The following CRB1 variants were observed in gnomAD, a reference collection of about 807,000 sequenced individuals.
The protein encoded by CRB1 is crumbs cell polarity complex component 1.
CRB1 carries 83 observed loss-of-function variants against 120.0 expected under a neutral mutation model. That is an observed-to-expected ratio of 0.69 (90% confidence interval 0.58 to 0.83). The LOEUF is 0.83. CRB1 is among the 40% of genes least tolerant of loss of function. The pLI is 0.00. For missense variants in CRB1, 1,699 were observed against 1,687.6 expected, an observed-to-expected ratio of 1.01 and a Z score of -0.12; for synonymous variants, 625 against 612.5, an observed-to-expected ratio of 1.02 and a Z score of -0.30.
At chr1:197,206,273 T>C in the CRB1 span, among the ~76,000 whole-genome samples, 1 of 152,148 alleles carries the variant, frequency 6.6e-6, no homozygotes, top group African/African-American at 2.4e-5. Context: ...CTGATCTTTG[T>C]TACTTCTTTT....
the CRB1 span, among the ~76,000 whole-genome samples, chr1:197,205,426 A>C: frequency 6.6e-6 from 1 of 152,186 alleles, no homozygotes; most frequent in African/African-American, 2.4e-5. Flanking sequence ...TGTCCCTTCT[A>C]TGCCGATTTT....
rs751631626 is a variant in CRB1, at chr1:197,434,936, A to G, written c.3073A>G (p.Ser1025Gly). The G allele has an allele frequency of 1.9e-6, 3 of 1,613,958 alleles. No individual in the cohort carries two copies. In the South Asian group the frequency reaches 3.3e-5, roughly 18 times the overall value. Reference sequence around the variant, plus strand: ...CAGCTTTTATATGCTAAGTCTGACAAGTTTGCAGTCAGTGAATGATGGCAC... The same window carrying G: ...CAGCTTTTATATGCTAAGTCTGACAGGTTTGCAGTCAGTGAATGATGGCAC... ...GNSFYMLSLT[S>G]LQSVNDGTWH... The change falls in exon 9 of 12, where the codon AGT becomes GGT. Residue 1025 changes from serine (S) to glycine (G), a missense_variant. Transcript: ENST00000367400.
chr1:197,206,636 T>G, the CRB1 span, among the ~76,000 whole-genome samples: 2 of 152,144 alleles, frequency 1.3e-5, no homozygotes, highest in African/African-American at 4.8e-5. Context: ...TTTCTTAAAT[T>G]TATTGAGACT....
chr1:197,319,479 T>A (rs1658064301), intron 1 of CRB1, among the ~76,000 whole-genome samples: 1 of 150,256 alleles, frequency 6.7e-6, no homozygotes, highest in African/African-American at 2.4e-5. Flanking sequence ...AGAATATTTT[T>A]TAAATATTCT....
the CRB1 span, chr1:197,222,139 G>A: frequency 1.9e-5 from 7 of 360,496 alleles, no homozygotes; most frequent in East Asian, 2.6e-4. Context: ...TCCTAATGCC[G>A]TCACCCAGTC....
intron 11 of CRB1, among the ~76,000 whole-genome samples, chr1:197,453,904 T>TTAA (rs1491432428): frequency 1.9e-5 from 2 of 105,596 alleles, no homozygotes; most frequent in African/African-American, 4.3e-5. Context: ...TATTATATTA[T>TTAA]TAATATATAT....
In CRB1 at chr1:197,477,902, G is replaced by T. The variant is rs370880289; in HGVS notation, c.*23G>T. On this transcript the variant is annotated 3_prime_UTR_variant, in exon 12 of 12. Transcript: ENST00000367400. ...TAGGAGCATTGTGTCCCTTCGAGAT[G>T]GGGATCCACACACTGTGAATGTGAT... 10 of 1,606,498 alleles carry T rather than the reference G, an allele frequency of 6.2e-6. No individual in the cohort carries two copies. Among genetic ancestry groups the T allele is most frequent in the South Asian group, 1.1e-5 (1 of 90,844 alleles).
At position 197,465,595 on chromosome 1, in the gene CRB1, C is replaced by A. The variant is rs139203917; in HGVS notation, c.4006-12069C>A. ...TGAGTTCATAGATTTTAGAAATGTT[C>A]ACTTGGGATCTGACCAGCCTCTCAG... On this transcript the variant is annotated intron_variant, in intron 11 of 11. Coordinates refer to ENST00000367400, the MANE Select transcript of CRB1 (RefSeq NM_201253.3). Among the ~76,000 whole-genome samples the A allele has an allele frequency of 5.3e-5, 8 of 152,150 alleles. No individual in the cohort carries two copies. The East Asian group carries it at 1.6e-3, about 30-fold the overall frequency.
the CRB1 span, among the ~76,000 whole-genome samples, chr1:197,260,519 A>G: frequency 6.6e-6 from 1 of 152,012 alleles, no homozygotes; most frequent in Non-Finnish European, 1.5e-5. Flanking sequence ...TGATAAGAAA[A>G]AAAAGCATTC....
the CRB1 span, among the ~76,000 whole-genome samples, chr1:197,215,520 C>A: frequency 6.6e-6 from 1 of 152,216 alleles, no homozygotes; most frequent in Non-Finnish European, 1.5e-5. Flanking sequence ...CAGGTGATCA[C>A]CTACCTCAGC....
chr1:197,311,634 T>C (rs1160496642), intron 1 of CRB1, among the ~76,000 whole-genome samples: 1 of 152,086 alleles, frequency 6.6e-6, no homozygotes, highest in Non-Finnish European at 1.5e-5. Context: ...CTTAGATATA[T>C]GTATATATTG....
At chr1:197,363,237 T>C (rs891953471) in intron 5 of CRB1, among the ~76,000 whole-genome samples, 19 of 152,052 alleles carry the variant, frequency 1.2e-4, no homozygotes, top group African/African-American at 4.1e-4. Context: ...AGAAAACTCA[T>C]GAAAAGAAGG....
At chr1:197,394,780 C>T (rs556885642) in intron 5 of CRB1, among the ~76,000 whole-genome samples, 1 of 152,142 alleles carries the variant, frequency 6.6e-6, no homozygotes, top group African/African-American at 2.4e-5. Context: ...AGCTGCCAGT[C>T]CCTATTTCTC....
intron 11 of CRB1, among the ~76,000 whole-genome samples, chr1:197,449,588 G>C (rs1425475508): frequency 6.6e-6 from 1 of 152,034 alleles, no homozygotes; most frequent in East Asian, 1.9e-4. Context: ...GGATGGTCTC[G>C]ATCTCCTGAC....
intron 6 of CRB1, 74 bp from the exon 7 acceptor site, chr1:197,427,380 T>C: frequency 1.4e-6 from 2 of 1,380,000 alleles, no homozygotes; most frequent in African/African-American, 2.8e-5. Context: ...AATTTTCGTC[T>C]TCCATCCCTT....
At chr1:197,331,267 T>C (rs1364031673) in intron 2 of CRB1, among the ~76,000 whole-genome samples, 1 of 152,210 alleles carries the variant, frequency 6.6e-6, no homozygotes, top group African/African-American at 2.4e-5. Context: ...AATTCTTCCA[T>C]ATATTTCTGG....
At chr1:197,240,562 G>T in the CRB1 span, among the ~76,000 whole-genome samples, 9 of 152,234 alleles carry the variant, frequency 5.9e-5, no homozygotes, top group South Asian at 1.9e-3. Flanking sequence ...CACTTTTATG[G>T]CTGCATGGTA....
chr1:197,421,861 G>T lies in CRB1; in HGVS notation c.2033G>T (p.Ser678Ile). ...AGCVRKDWCE[S>I]QPCQSRGRCI... The stretch of plus-strand genomic sequence containing the variant: ...TGTGTGAGAAAGGATTGGTGTGAAA[G>T]CCAACCTTGTCAAAGCAGAGGACGC... The change falls in exon 6 of 12, where the codon AGC becomes ATC. Residue 678 changes from serine (S) to isoleucine (I), a missense_variant. Ser to Ile is a moderately radical substitution (Grantham distance 142). Transcript: ENST00000367400. The T allele has an allele frequency of 2.5e-6, 4 of 1,614,204 alleles. No individual in the cohort carries two copies. The South Asian group carries it at 4.4e-5, about 18-fold the overall frequency.
chr1:197,418,890 T>C (rs1558123358), intron 5 of CRB1, among the ~76,000 whole-genome samples: 1 of 152,190 alleles, frequency 6.6e-6, no homozygotes, highest in Non-Finnish European at 1.5e-5. Flanking sequence ...AAATTTCTCA[T>C]ATAAAATTAC....
Sources: gnomAD v4.1 joint callset for allele counts (sites outside exome capture counted in the v4.1 genomes callset) on GRCh38, gnomAD v4.1.1 for gene constraint, MANE v1.5 for transcripts, NCBI Gene and HGNC (gene_info 2026-07-23, HGNC 2026-07-21) for gene names.